Variants in ATP6V1E1 observed in about 807,000 individuals in gnomAD.
The protein encoded by ATP6V1E1 is V-type proton ATPase subunit E 1.
ATP6V1E1 carries 21 observed loss-of-function variants against 35.2 expected under a neutral mutation model. That is an observed-to-expected ratio of 0.60 (90% CI 0.42 to 0.86). The LOEUF (loss-of-function observed/expected upper bound fraction) is 0.86, where lower values mean the gene tolerates loss of function less well. Among genes scored for constraint, ATP6V1E1 ranks in the 40% least tolerant of loss-of-function variants. The probability of loss-of-function intolerance (pLI) is 0.00; values close to 1 mark genes in which losing one functional copy is unlikely to be tolerated. For synonymous variants in ATP6V1E1, 83 were observed against 87.8 expected (o/e 0.95, Z 0.30); for missense variants, 183 against 272.6 (o/e 0.67, Z 2.32).
chr22:17,612,790 C>T lies in ATP6V1E1; in HGVS notation c.276+22G>A, dbSNP rs749712606. On this transcript the variant is annotated intron_variant, in intron 4 of 8. Transcript: ENST00000253413. The stretch of plus-strand genomic sequence containing the variant: ...GAATAAACATGTAATAATTTTATAA[C>T]TAATAGGGGCTAATTACTCACTGTG... 3.3e-6 allele frequency: 5 copies of T among 1,531,838 alleles called. 1 individual carries two copies. In the South Asian group the frequency reaches 6.2e-5, roughly 19 times the overall value. 94.9% of individuals were successfully genotyped at this position (1,531,838 alleles called of 1,614,324 possible).
chr22:17,628,076 C>G (rs2057930404), intron 1 of ATP6V1E1, among the ~76,000 whole-genome samples: 1 of 151,250 alleles, frequency 6.6e-6, no homozygotes, highest in African/African-American at 2.4e-5. Flanking sequence ...CCTCCGCCTC[C>G]GGGTTCAGCT....
chr22:17,599,138 T>C (rs1483086621), intron 6 of ATP6V1E1, among the ~76,000 whole-genome samples: 1 of 152,050 alleles, frequency 6.6e-6, no homozygotes, highest in Non-Finnish European at 1.5e-5. Flanking sequence ...AATGGAGAGT[T>C]AGTGTTTAAT....
chr22:17,599,988 G>C (rs143766219), intron 6 of ATP6V1E1, 39 bp downstream of exon 6: 2 of 1,185,036 alleles, frequency 1.7e-6, no homozygotes, highest in Non-Finnish European at 2.3e-6. Context: ...AAAGGGAGGG[G>C]GGAGGGAGGG....
intron 7 of ATP6V1E1, 110 bp downstream of exon 7, chr22:17,598,084 G>A: frequency 1.2e-6 from 1 of 813,138 alleles, no homozygotes; most frequent in Non-Finnish European, 2.1e-6. Context: ...CTCTAGCCTT[G>A]TGTCTAAGAG....
intron 8 of ATP6V1E1, among the ~76,000 whole-genome samples, chr22:17,593,067 C>T (rs2057713223): frequency 1.3e-5 from 2 of 152,012 alleles, no homozygotes; most frequent in South Asian, 4.1e-4. Flanking sequence ...GGATTACAGG[C>T]GTGAGCCACC....
chr22:17,621,546 T>C (rs1395520546), intron 1 of ATP6V1E1, among the ~76,000 whole-genome samples: 1 of 152,126 alleles, frequency 6.6e-6, no homozygotes, highest in Non-Finnish European at 1.5e-5. Context: ...CCTCCTGCCT[T>C]GGCTTCCCGA....
chr22:17,612,785 T>C (rs1249619166), intron 4 of ATP6V1E1, 27 bp downstream of exon 4: 1 of 1,513,478 alleles, frequency 6.6e-7, no homozygotes, highest in Admixed American at 2.3e-5. Flanking sequence ...GTAATAATTT[T>C]ATAACTAATA....
At chr22:17,609,430 G>A (rs1004132986) in intron 4 of ATP6V1E1, among the ~76,000 whole-genome samples, 18 of 148,238 alleles carry the variant, frequency 1.2e-4, no homozygotes, top group African/African-American at 4.2e-4. Flanking sequence ...AAAGTGCTGG[G>A]ATTACAGGCG....
At chr22:17,594,504 T>A (rs1181786433) in intron 8 of ATP6V1E1, 25 bp downstream of exon 8, 1 of 1,503,770 alleles carries the variant, frequency 6.6e-7, no homozygotes, top group Non-Finnish European at 8.9e-7. Flanking sequence ...GCAGACCAAC[T>A]ACCAAGAAGT....
At chr22:17,615,606 G>A (rs1009044586) in intron 2 of ATP6V1E1, among the ~76,000 whole-genome samples, 4 of 151,766 alleles carry the variant, frequency 2.6e-5, no homozygotes, top group African/African-American at 9.7e-5. Context: ...TTACACTGCT[G>A]CACTCCAGCC....
intron 4 of ATP6V1E1, among the ~76,000 whole-genome samples, chr22:17,602,849 G>A (rs886434928): frequency 6.6e-6 from 1 of 152,156 alleles, no homozygotes; most frequent in African/African-American, 2.4e-5. Flanking sequence ...ATTGGTCAAT[G>A]AATCATACTT....
At chr22:17,616,178 G>A (rs935356984) in intron 2 of ATP6V1E1, among the ~76,000 whole-genome samples, 6 of 149,476 alleles carry the variant, frequency 4.0e-5, no homozygotes, top group African/African-American at 9.9e-5. Context: ...AAACCCCATC[G>A]CTATTAAAAA....
intron 1 of ATP6V1E1, among the ~76,000 whole-genome samples, chr22:17,622,637 C>T (rs892476442): frequency 2.0e-5 from 3 of 152,018 alleles, no homozygotes; most frequent in African/African-American, 4.8e-5. Flanking sequence ...TATCTCAGAA[C>T]TTAAAGTATA....
chr22:17,628,433 G>T (rs2057936324), intron 1 of ATP6V1E1, among the ~76,000 whole-genome samples, 170 bp downstream of exon 1: 1 of 152,252 alleles, frequency 6.6e-6, no homozygotes, highest in Non-Finnish European at 1.5e-5. Context: ...CACATGAGCT[G>T]CGGGGCAAAT....
chr22:17,598,895 G>C lies in ATP6V1E1; in HGVS notation c.436-607C>G, dbSNP rs186188908. The stretch of plus-strand genomic sequence containing the variant: ...GTTTGCAGCAGCATTATTCACAACA[G>C]CCAAAAGGTGGGAGTAACCCAAGTG... On this transcript the variant is annotated intron_variant, in intron 6 of 8. Transcript: ENST00000253413. Among the ~76,000 whole-genome samples the C allele has an allele frequency of 5.3e-5, 8 of 152,296 alleles. No homozygotes were observed. The East Asian group carries it at 1.5e-3, about 29-fold the overall frequency.
intron 3 of ATP6V1E1, 111 bp downstream of exon 3, chr22:17,613,100 A>G: frequency 1.1e-6 from 1 of 921,998 alleles, no homozygotes; most frequent in Non-Finnish European, 1.7e-6. Context: ...TTGTCAGATT[A>G]GTAGTAGGTG....
At chr22:17,605,478 C>G (rs2057781990) in intron 4 of ATP6V1E1, among the ~76,000 whole-genome samples, 1 of 151,222 alleles carries the variant, frequency 6.6e-6, no homozygotes, top group South Asian at 2.1e-4. Context: ...TGCAGTGAGC[C>G]GAGATTGCAC....
intron 4 of ATP6V1E1, among the ~76,000 whole-genome samples, chr22:17,605,219 A>AAG (rs1555957839): frequency 4.3e-5 from 6 of 138,200 alleles, no homozygotes; most frequent in African/African-American, 1.7e-4. Context: ...AAAAAAAAAA[A>AAG]AAAAGAAAAG....
chr22:17,605,912 A>G (rs2057784797), intron 4 of ATP6V1E1, among the ~76,000 whole-genome samples: 1 of 151,988 alleles, frequency 6.6e-6, no homozygotes, highest in South Asian at 2.1e-4. Context: ...CTCCTGCCTC[A>G]GCCTCCCAAA....
Sources: gnomAD v4.1 joint callset for allele counts (sites outside exome capture counted in the v4.1 genomes callset) on GRCh38, gnomAD v4.1.1 for gene constraint, MANE v1.5 for transcripts, NCBI Gene and HGNC (gene_info 2026-07-23, HGNC 2026-07-21) for gene names.